DHRS13: variants seen among roughly 807,000 people sequenced by gnomAD.
DHRS13 encodes dehydrogenase/reductase 13.
A neutral mutation model predicts 17.9 loss-of-function variants in DHRS13; 22 were observed. The observed-to-expected ratio is 1.23, with a 90% confidence interval of 0.88 to 1.75. The LOEUF is 1.75. DHRS13 is among the 40% of genes most tolerant of loss of function. The pLI, the probability that DHRS13 is intolerant of heterozygous loss-of-function variation, is 0.00. For synonymous variants in DHRS13, 206 were observed against 220.4 expected (o/e 0.93, Z 0.58); for missense variants, 483 against 519.9 (o/e 0.93, Z 0.69).
Position 28,902,925 on chromosome 17 carries a change from C to G in DHRS13, c.20G>C (p.Gly7Ala). ...GTAAGCGCCCAGCAGCAACCCCGCG[C>G]CCAGCAGCAGCGCCTCCATGCCGGC... MEALLL[G>A]AGLLLGAYVL... Residue 7 changes from glycine to alanine, a missense_variant, in exon 1 of 5, where the codon GGC (glycine) becomes GCC (alanine). Transcript: ENST00000378895. This position sits in a 1 kb window ranked among gnomAD's most constrained non-coding sequence, Gnocchi z 4.0. 6.5e-7 allele frequency: 1 copy of G among 1,548,054 alleles called. No homozygotes were observed. The highest frequency in any genetic ancestry group is 8.7e-7 in the Non-Finnish European group (1 of 1,155,136).
rs146651013 is a variant in DHRS13, at chr17:28,898,753, G to A, written c.822C>T (p.Ile274=). ...TPLYCALQEG[I]EPLSGRYFAN... ...CAAAATATCTCCCACTGAGGGGCTC[G>A]ATGCCCTCTTGTAGAGCACAATACA... The change falls in exon 5 of 5, where the codon ATC becomes ATT. Residue 274 remains isoleucine (I), a synonymous_variant. Transcript: ENST00000378895. 27 of 1,613,702 alleles carry A rather than the reference G, an allele frequency of 1.7e-5. No individual in the cohort carries two copies. The highest frequency in any genetic ancestry group is 1.2e-4 in the African/African-American group (9 of 74,928).
In DHRS13 at chr17:28,902,984, G is replaced by C; in HGVS notation, c.-40C>G. The C allele has an allele frequency of 7.3e-7, 1 of 1,378,988 alleles. No homozygotes were observed. The highest frequency in any genetic ancestry group is 3.1e-5 in the East Asian group (1 of 32,046). 85.4% of individuals were successfully genotyped at this position (1,378,988 alleles called of 1,614,324 possible). On this transcript the variant is annotated 5_prime_UTR_variant, in exon 1 of 5. Transcript: ENST00000378895. The surrounding 1 kb of genome is among the most constrained non-coding windows in gnomAD (Gnocchi z 4.0). ...CCGGCTCCCGCCCAGGCCCCGCACC[G>C]CCCTGGATCGCCGCCAGGCGGCTGC...
rs763382368 is a variant in DHRS13 at position 28,898,486 on chromosome 17, C to A, written c.1089G>T (p.Thr363=). 54 of 1,585,024 alleles carry A rather than the reference C, an allele frequency of 3.4e-5. No individual in the cohort carries two copies. In the Admixed American group the frequency reaches 5.1e-4, roughly 15 times the overall value. Residue 363 remains threonine (T), a synonymous_variant, in exon 5 of 5, where the codon ACG becomes ACT. Transcript: ENST00000378895. The part of the protein sequence containing the change: ...PQSSPDLSKM[T]HRIQAKVEPE... The stretch of plus-strand genomic sequence containing the variant: ...GCTCAACTTTAGCCTGAATTCGGTG[C>A]GTCATCTTAGACAAATCTGGTGAGC...
chr17:28,902,434 C>T lies in DHRS13; in HGVS notation c.246+149G>A, dbSNP rs540131239. ...TCTGGTGCGCCTTCCTCGGGTGACCCCAGCGCTCCGTGCACTCCCTCTTCG... is the reference window on the plus strand; with the variant it reads ...TCTGGTGCGCCTTCCTCGGGTGACCTCAGCGCTCCGTGCACTCCCTCTTCG... On this transcript the variant is annotated intron_variant, in intron 2 of 4. Transcript: ENST00000378895. The surrounding 1 kb of genome is among the most constrained non-coding windows in gnomAD (Gnocchi z 4.0). 2 of 862,902 alleles carry T rather than the reference C, an allele frequency of 2.3e-6. No individual in the cohort carries two copies. Among genetic ancestry groups the T allele is most frequent in the African/African-American group, 3.6e-5 (2 of 55,854 alleles). The allele number at this position is 862,902 out of a possible 1,614,324, so 53.5% of individuals were successfully genotyped here. A position where few individuals can be genotyped will look rare whatever the true frequency, so the allele number is the denominator to read the frequency against.
rs561447167 is a variant in DHRS13 at position 28,902,924 on chromosome 17, G to C, written c.21C>G (p.Gly7=). ...CGTAAGCGCCCAGCAGCAACCCCGC[G>C]CCCAGCAGCAGCGCCTCCATGCCGG... MEALLL[G]AGLLLGAYVL... The change falls in exon 1 of 5, where the codon GGC becomes GGG. Residue 7 remains glycine, a synonymous_variant. Transcript: ENST00000378895. The surrounding 1 kb of genome is among the most constrained non-coding windows in gnomAD (Gnocchi z 4.0). The C allele has an allele frequency of 6.5e-7, 1 of 1,547,684 alleles. No individual in the cohort carries two copies. The highest frequency in any genetic ancestry group is 1.4e-5 in the African/African-American group (1 of 70,404).
chr17:28,902,467 C>T lies in DHRS13; in HGVS notation c.246+116G>A. 4.5e-6 allele frequency: 5 copies of T among 1,118,776 alleles called. No individual in the cohort carries two copies. Among genetic ancestry groups the T allele is most frequent in the Middle Eastern group, 3.2e-4 (1 of 3,164 alleles). The allele number at this position is 1,118,776 out of a possible 1,614,324, so 69.3% of individuals were successfully genotyped here. A position where few individuals can be genotyped will look rare whatever the true frequency, so the allele number is the denominator to read the frequency against. ...CCGTGCACTCCCTCTTCGCGCTCAG[C>T]CGCCCGCGCCGCGCTCTCCTCCCTG... On this transcript the variant is annotated intron_variant, in intron 2 of 4. Transcript: ENST00000378895. The surrounding 1 kb of genome is among the most constrained non-coding windows in gnomAD (Gnocchi z 4.0).
rs1355278792 is a variant in DHRS13 at position 28,901,551 on chromosome 17, G to A, written c.312C>T (p.Ala104=). The A allele has an allele frequency of 6.2e-7, 1 of 1,614,212 alleles. No homozygotes were observed. The highest frequency in any genetic ancestry group is 8.5e-7 in the Non-Finnish European group (1 of 1,180,024). ...LDLASLASVR[A]FATAFLSSEP... is the part of the protein sequence containing the mutation. The stretch of plus-strand genomic sequence containing the variant: ...CAGAGCTCAGAAAGGCAGTGGCAAA[G>A]GCCCGCACCGAGGCCAGACTGGCCA... The change falls in exon 3 of 5, where the codon GCC becomes GCT. Residue 104 remains alanine (A), a synonymous_variant. Transcript: ENST00000378895. The surrounding 1 kb of genome is among the most constrained non-coding windows in gnomAD (Gnocchi z 4.3).
rs764884767 is a variant in DHRS13 at position 28,901,121 on chromosome 17, T to C, written c.551A>G (p.Asp184Gly). Residue 184 changes from aspartate to glycine, a missense_variant, in exon 4 of 5, where the codon GAC (aspartate) becomes GGC (glycine). Transcript: ENST00000378895. The surrounding 1 kb of genome is among the most constrained non-coding windows in gnomAD (Gnocchi z 4.3). ...CTGCCGCCAGCCCACCACTGGGCGG[T>C]CCAGGCGTTTGAAGTCAAGACGTCC... ...CRGRLDFKRL[D>G]RPVVGWRQEL... 34 of 1,613,944 alleles carry C rather than the reference T, an allele frequency of 2.1e-5. No individual in the cohort carries two copies. Among genetic ancestry groups the C allele is most frequent in the Non-Finnish European group, 2.8e-5 (33 of 1,180,014 alleles).
chr17:28,902,903 AGCGCCCAGCAGCAACCCC>A lies in DHRS13; in HGVS notation c.24_41del (p.Gly9_Ala14del), dbSNP rs763049103. On this transcript the variant is annotated inframe_deletion, in exon 1 of 5. Coordinates refer to ENST00000378895, the MANE Select transcript of DHRS13 (RefSeq NM_144683.4). The surrounding 1 kb of genome is among the most constrained non-coding windows in gnomAD (Gnocchi z 4.0). ...CCAGGTTGTAGTAGACAAGCACGTA[AGCGCCCAGCAGCAACCCC>A]GCGCCCAGCAGCAGCGCCTCCATGC... is the stretch of plus-strand genomic sequence containing the variant. 14 of 1,552,880 alleles carry A rather than the reference AGCGCCCAGCAGCAACCCC, an allele frequency of 9.0e-6. No homozygotes were observed. The highest frequency in any genetic ancestry group is 1.8e-5 in the Admixed American group (1 of 55,782).
chr17:28,900,581 G>GTTT (rs2039797529), intron 4 of DHRS13, among the ~76,000 whole-genome samples: 1 of 152,122 alleles, frequency 6.6e-6, no homozygotes, highest in Admixed American at 6.5e-5. Context: ...ATGAGGGCAG[G>GTTT]GTCTTTGTTT....
rs1226930473 is a variant in DHRS13, at chr17:28,899,843, G to T, written c.683-951C>A. Among the ~76,000 whole-genome samples, 1 of 152,166 alleles carries T rather than the reference G, an allele frequency of 6.6e-6. No individual in the cohort carries two copies. The highest frequency in any genetic ancestry group is 1.5e-5 in the Non-Finnish European group (1 of 68,040). ...CTGCCTCAGCCTCCTGAATAGCTGG[G>T]ACTACAGGTGATAGCCACAATGCCT... On this transcript the variant is annotated intron_variant, in intron 4 of 4. Coordinates refer to ENST00000378895, the MANE Select transcript of DHRS13 (RefSeq NM_144683.4). This position sits in a 1 kb window ranked among gnomAD's most constrained non-coding sequence, Gnocchi z 4.7.
Position 28,902,483 on chromosome 17 carries a change from C to T in DHRS13, c.246+100G>A, listed in dbSNP as rs1353690720. 8.2e-7 allele frequency: 1 copy of T among 1,217,686 alleles called. No homozygotes were observed. Among genetic ancestry groups the T allele is most frequent in the Non-Finnish European group, 1.1e-6 (1 of 936,908 alleles). The allele number at this position is 1,217,686 out of a possible 1,614,324, so 75.4% of individuals were successfully genotyped here. On this transcript the variant is annotated intron_variant, in intron 2 of 4. Transcript: ENST00000378895. The surrounding 1 kb of genome is among the most constrained non-coding windows in gnomAD (Gnocchi z 4.0). ...CGCGCTCAGCCGCCCGCGCCGCGCT[C>T]TCCTCCCTGGACCCGGATCCTCCGC...
chr17:28,899,337 C>T lies in DHRS13; in HGVS notation c.683-445G>A, dbSNP rs762971038. ...CATTTATTAAGTACTTGCAGTATACCAGCCACTATTTTGGACATTAGTGAT... is the reference window on the plus strand; with the variant it reads ...CATTTATTAAGTACTTGCAGTATACTAGCCACTATTTTGGACATTAGTGAT... On this transcript the variant is annotated intron_variant, in intron 4 of 4. Coordinates refer to ENST00000378895, the MANE Select transcript of DHRS13 (RefSeq NM_144683.4). This position sits in a 1 kb window ranked among gnomAD's most constrained non-coding sequence, Gnocchi z 4.7. The T allele has an allele frequency of 8.4e-5, 14 of 166,806 alleles. No homozygotes were observed. The highest frequency in any genetic ancestry group is 1.7e-4 in the Non-Finnish European group (13 of 78,250). The allele number at this position is 166,806 out of a possible 1,614,324, so 10.3% of individuals were successfully genotyped here. A position where few individuals can be genotyped will look rare whatever the true frequency, so the allele number is the denominator to read the frequency against.
rs2039776801 is a variant in DHRS13, at chr17:28,898,339, A to T, written c.*102T>A. The stretch of plus-strand genomic sequence containing the variant: ...TTGGGGCCCCAGAAAGTAACCACGG[A>T]GGTCAAGATCACAAACCCGTCAGTG... On this transcript the variant is annotated 3_prime_UTR_variant, in exon 5 of 5. Transcript: ENST00000378895. The T allele has an allele frequency of 2.3e-5, 31 of 1,348,910 alleles. No homozygotes were observed. In the South Asian group the frequency reaches 4.2e-4, roughly 18 times the overall value. The allele number at this position is 1,348,910 out of a possible 1,614,324, so 83.6% of individuals were successfully genotyped here.
In DHRS13 at chr17:28,901,564, GC is replaced by G. The variant is rs777120488; in HGVS notation, c.298del (p.Ala100ProfsTer11). 1.2e-6 allele frequency: 2 copies of G among 1,614,232 alleles called. No homozygotes were observed. Among genetic ancestry groups the G allele is most frequent in the South Asian group, 2.2e-5 (2 of 91,086 alleles). Reference sequence around the variant, plus strand: ...GGCAGTGGCAAAGGCCCGCACCGAGGCCAGACTGGCCAAGTCCAAGGCCATG... The same window carrying G: ...GGCAGTGGCAAAGGCCCGCACCGAGGCAGACTGGCCAAGTCCAAGGCCATG... ...IFMALDLASL[A>X]SVRAFATAFL... On this transcript the variant is annotated frameshift_variant, in exon 3 of 5. Coordinates refer to ENST00000378895, the MANE Select transcript of DHRS13 (RefSeq NM_144683.4). LOFTEE classifies it high-confidence loss of function. The surrounding 1 kb of genome is among the most constrained non-coding windows in gnomAD (Gnocchi z 4.3).
chr17:28,900,865 C>G, intron 4 of DHRS13, 125 bp downstream of exon 4: 1 of 1,117,290 alleles, frequency 9.0e-7, no homozygotes, highest in South Asian at 1.6e-5. Flanking sequence ...ACTATGCTTC[C>G]TTGCTGCCCT....
In DHRS13 at chr17:28,902,583, C is replaced by T. The variant is rs1306749497; in HGVS notation, c.246G>A (p.Gln82=). 2.0e-6 allele frequency: 3 copies of T among 1,480,712 alleles called. No homozygotes were observed. Among genetic ancestry groups the T allele is most frequent in the Non-Finnish European group, 1.8e-6 (2 of 1,124,826 alleles). The allele number at this position is 1,480,712 out of a possible 1,614,324, so 91.7% of individuals were successfully genotyped here. The change falls in exon 2 of 5, where the codon CAG becomes CAA. Residue 82 remains glutamine, a splice_region_variant and synonymous_variant. Coordinates refer to ENST00000378895, the MANE Select transcript of DHRS13 (RefSeq NM_144683.4). The surrounding 1 kb of genome is among the most constrained non-coding windows in gnomAD (Gnocchi z 4.0). ...CCCACGCGCCCCCGCTGCCTCTCAC[C>T]TGGCGGAGGTCGAAGGCAGCCGCCT... ...RGEAAAFDLR[Q]ESGNNEVIFM...
At position 28,903,044 on chromosome 17, in the gene DHRS13, G is replaced by C; in HGVS notation, c.-100C>G. On this transcript the variant is annotated 5_prime_UTR_variant, in exon 1 of 5. Transcript: ENST00000378895. This position sits in a 1 kb window ranked among gnomAD's most constrained non-coding sequence, Gnocchi z 4.8. ...CTGCACAGGCCTGGAACGGCGCCCG[G>C]GCGCGTCAGCCTCCGAAGGCGGAGG... The C allele has an allele frequency of 9.1e-7, 1 of 1,093,632 alleles. No homozygotes were observed. Among genetic ancestry groups the C allele is most frequent in the Non-Finnish European group, 1.2e-6 (1 of 865,434 alleles). The allele number at this position is 1,093,632 out of a possible 1,614,324, so 67.7% of individuals were successfully genotyped here.
In DHRS13 at chr17:28,898,741, ACT is replaced by A; in HGVS notation, c.832_833del (p.Ser278TrpfsTer42). 6.2e-7 allele frequency: 1 copy of A among 1,613,856 alleles called. No homozygotes were observed. Among genetic ancestry groups the A allele is most frequent in the Non-Finnish European group, 8.5e-7 (1 of 1,179,912 alleles). ...CALQEGIEPL[S>X]GRYFANCHVE... ...CATGGCAGTTGGCAAAATATCTCCC[ACT>A]GAGGGGCTCGATGCCCTCTTGTAGA... On this transcript the variant is annotated frameshift_variant, in exon 5 of 5. Coordinates refer to ENST00000378895, the MANE Select transcript of DHRS13 (RefSeq NM_144683.4). LOFTEE classifies it low-confidence loss of function (END_TRUNC).
Sources: allele counts gnomAD v4.1 joint callset (sites outside exome capture counted in the v4.1 genomes callset), GRCh38; gene constraint gnomAD v4.1.1; non-coding constraint Gnocchi (gnomAD v3.1); transcripts MANE v1.5; gene names NCBI Gene and HGNC (gene_info 2026-07-23, HGNC 2026-07-21).